Variants in ZNF518A observed in about 807,000 individuals in gnomAD.
The protein encoded by ZNF518A is zinc finger protein 518.
Under a neutral mutation model 102.7 loss-of-function variants are expected in ZNF518A, and 47 were observed. The ratio of observed to expected loss-of-function variants is 0.46; its 90% CI spans 0.36 to 0.58. The LOEUF is 0.58. Among genes scored for constraint, ZNF518A ranks in the 20% least tolerant of loss-of-function variants. The pLI is 0.00. For missense variants in ZNF518A, 1,793 were observed against 1,699.8 expected, an observed-to-expected ratio of 1.05 and a Z score of -0.96; for synonymous variants, 652 against 594.6, an observed-to-expected ratio of 1.10 and a Z score of -1.40.
chr10:96,153,715 GA>G (rs1166893765), intron 3 of ZNF518A, among the ~76,000 whole-genome samples: 1 of 152,076 alleles, frequency 6.6e-6, no homozygotes, highest in African/African-American at 2.4e-5. Flanking sequence ...TGAAGCTTTT[GA>G]ACCCCTTGTA....
At chr10:96,172,382 G>A (rs1012547708) in intron 1 of ZNF518A, among the ~76,000 whole-genome samples, 15 of 151,904 alleles carry the variant, frequency 9.9e-5, no homozygotes, top group Admixed American at 5.2e-4. Context: ...TCAAATCCAC[G>A]GGAAGAAGTG....
rs1259233878 is a variant in ZNF518A at position 96,157,441 on chromosome 10, G to A, written c.1119G>A (p.Lys373=). The A allele has an allele frequency of 1.2e-6, 2 of 1,613,456 alleles. No individual in the cohort carries two copies. Among genetic ancestry groups the A allele is most frequent in the African/African-American group, 2.7e-5 (2 of 74,882 alleles). ...HVVQEHLSEE[K]DERLHCENND... ...TTCAAGAGCATTTAAGTGAAGAAAA[G>A]GATGAAAGACTACACTGTGAGAATA... is the stretch of plus-strand genomic sequence containing the variant. The change falls in exon 6 of 6, where the codon AAG becomes AAA. Residue 373 remains lysine (K), a synonymous_variant. Transcript: ENST00000316045.
At position 96,163,489 on chromosome 10, in the gene ZNF518A, T is replaced by G. The variant is rs1554889148; in HGVS notation, c.*2715T>G. 1 of 167,110 alleles carries G rather than the reference T, an allele frequency of 6.0e-6. No individual in the cohort carries two copies. The highest frequency in any genetic ancestry group is 1.5e-5 in the Non-Finnish European group (1 of 68,110). The allele number at this position is 167,110 out of a possible 1,614,324, so 10.4% of individuals were successfully genotyped here. A position where few individuals can be genotyped will look rare whatever the true frequency, so the allele number is the denominator to read the frequency against. On this transcript the variant is annotated 3_prime_UTR_variant, in exon 6 of 6. Transcript: ENST00000316045. The stretch of plus-strand genomic sequence containing the variant: ...TCCACTGAAATGGGTTTCTTACTAT[T>G]TGGCAAGTACTTAAAAAACATAATT...
chr10:96,137,751 A>T (rs1415411316), intron 3 of ZNF518A, among the ~76,000 whole-genome samples: 1 of 152,114 alleles, frequency 6.6e-6, no homozygotes, highest in Non-Finnish European at 1.5e-5. Context: ...TGGTGATTTC[A>T]TCCTGCTCCA....
rs782615276 is a variant in ZNF518A, at chr10:96,159,289, T to C, written c.2967T>C (p.Gly989=). ...CACTTAATAATGGGAAACTTGAAGG[T>C]GTTTCCGCTGTCAAAACCGAGGGTG... ...VLTLNNGKLE[G]VSAVKTEGAP... The change falls in exon 6 of 6, where the codon GGT becomes GGC. Residue 989 remains glycine, a synonymous_variant. Transcript: ENST00000316045. 2.5e-6 allele frequency: 4 copies of C among 1,613,218 alleles called. No individual in the cohort carries two copies. Among genetic ancestry groups the C allele is most frequent in the Non-Finnish European group, 3.4e-6 (4 of 1,179,646 alleles).
chr10:96,202,414 T>C (rs1373821718), intron 1 of ZNF518A, among the ~76,000 whole-genome samples: 1 of 152,186 alleles, frequency 6.6e-6, no homozygotes, highest in African/African-American at 2.4e-5. Context: ...ATTCTGGATC[T>C]ATTTTGAAGG....
In ZNF518A at chr10:96,160,983, A is replaced by C. The variant is rs2082977303; in HGVS notation, c.*209A>C. The C allele has an allele frequency of 4.0e-6, 2 of 498,128 alleles. No individual in the cohort carries two copies. The highest frequency in any genetic ancestry group is 7.9e-5 in the Admixed American group (2 of 25,162). The allele number at this position is 498,128 out of a possible 1,614,324, so 30.9% of individuals were successfully genotyped here. On this transcript the variant is annotated 3_prime_UTR_variant, in exon 6 of 6. Transcript: ENST00000316045. ...GCACTCAAAAGTTTTGAAAGAAACT[A>C]ATCACAGCACAGAAGTACCTTGATT...
chr10:96,152,038 G>A (rs11188631), intron 3 of ZNF518A, among the ~76,000 whole-genome samples: 55,663 of 152,162 alleles, frequency 0.37, 11,526 homozygotes, highest in Middle Eastern at 0.54. Flanking sequence ...TGGGCTGGAC[G>A]TTGTGGCACA....
chr10:96,188,488 A>G (rs587735411), intron 1 of ZNF518A, among the ~76,000 whole-genome samples: 17 of 152,314 alleles, frequency 1.1e-4, no homozygotes, highest in African/African-American at 3.8e-4. Flanking sequence ...AGGTTGTTAT[A>G]GAGCCAGGGT....
intron 1 of ZNF518A, among the ~76,000 whole-genome samples, chr10:96,183,886 G>A (rs782802412): frequency 3.3e-5 from 5 of 152,240 alleles, no homozygotes; most frequent in South Asian, 2.1e-4. Flanking sequence ...CTTCTGTCTC[G>A]TTGATCTGTC....
chr10:96,173,595 T>G (rs1037828284), intron 1 of ZNF518A, among the ~76,000 whole-genome samples: 2 of 152,104 alleles, frequency 1.3e-5, no homozygotes, highest in Non-Finnish European at 2.9e-5. Context: ...TTTAAACATA[T>G]ATGCACCTAA....
intron 2 of ZNF518A, 172 bp from the exon 3 acceptor site, chr10:96,133,411 C>T (rs2081437337): frequency 6.6e-6 from 1 of 152,060 alleles, no homozygotes; most frequent in Non-Finnish European, 1.5e-5. Context: ...TTCTTGAAGA[C>T]AGTCATGTGA....
chr10:96,136,343 T>C (rs1384576577), intron 3 of ZNF518A, among the ~76,000 whole-genome samples: 6 of 150,852 alleles, frequency 4.0e-5, no homozygotes, highest in African/African-American at 7.3e-5. Context: ...TTTATAAATA[T>C]GTATATATAA....
intron 1 of ZNF518A, among the ~76,000 whole-genome samples, chr10:96,201,796 G>C (rs903244356): frequency 2.6e-5 from 4 of 152,066 alleles, no homozygotes; most frequent in African/African-American, 9.7e-5. Context: ...TGGATCAAAG[G>C]CATTGGGGAT....
chr10:96,200,009 ATC>A lies in ZNF518A; in HGVS notation n.36-3564_36-3563del. The A allele has an allele frequency of 1.0e-6, 1 of 1,000,778 alleles. No individual in the cohort carries two copies. Among genetic ancestry groups the A allele is most frequent in the Non-Finnish European group, 1.3e-6 (1 of 785,896 alleles). 62.0% of individuals were successfully genotyped at this position (1,000,778 alleles called of 1,614,324 possible). On this transcript the variant is annotated intron_variant and non_coding_transcript_variant, in intron 1 of 2. Coordinates refer to the ZNF518A transcript ENST00000442635. This position sits in a 1 kb window ranked among gnomAD's most constrained non-coding sequence, Gnocchi z 4.3. ...AGCCACTGCACTCCAGTGAAACTGC[ATC>A]ATCTCAAAACAAATAAATAAAATAA...
rs587681802 is a variant in ZNF518A, at chr10:96,158,632, C to G, written c.2310C>G (p.Leu770=). Residue 770 remains leucine, a synonymous_variant, in exon 6 of 6, where the codon CTC becomes CTG. Transcript: ENST00000316045. Reference sequence around the variant, plus strand: ...CTAGAATCACATCTGTTTTCTCTCTCCAGAGCCAACAGGCATCAGAATTTC... The same window carrying G: ...CTAGAATCACATCTGTTTTCTCTCTGCAGAGCCAACAGGCATCAGAATTTC... The part of the protein sequence containing the change: ...MMPRITSVFS[L]QSQQASEFLP... 2.5e-6 allele frequency: 4 copies of G among 1,613,360 alleles called. No individual in the cohort carries two copies. In the Admixed American group the frequency reaches 5.0e-5, roughly 20 times the overall value.
intron 1 of ZNF518A, chr10:96,199,911 C>G: frequency 2.8e-6 from 1 of 356,006 alleles, no homozygotes; most frequent in Non-Finnish European, 4.9e-6. Flanking sequence ...GTAATCCCAG[C>G]TGCTTGGGAG....
intron 3 of ZNF518A, among the ~76,000 whole-genome samples, chr10:96,146,232 CTTATTT>C (rs2082167070): frequency 6.6e-6 from 1 of 151,980 alleles, no homozygotes; most frequent in Admixed American, 6.6e-5. Flanking sequence ...TTGGTGGACA[CTTATTT>C]TTAATTTTGT....
downstream of ZNF518A, among the ~76,000 whole-genome samples, chr10:96,168,632 G>C (rs782795883): frequency 6.6e-6 from 1 of 152,066 alleles, no homozygotes; most frequent in Non-Finnish European, 1.5e-5. Flanking sequence ...TTGGTTGACA[G>C]TTTTGTTTTC....
Sources: allele counts gnomAD v4.1 joint callset (sites outside exome capture counted in the v4.1 genomes callset), GRCh38; gene constraint gnomAD v4.1.1; non-coding constraint Gnocchi (gnomAD v3.1); transcripts MANE v1.5; gene names NCBI Gene and HGNC (gene_info 2026-07-23, HGNC 2026-07-21).